ZBTB20: variants seen among roughly 807,000 people sequenced by gnomAD.
ZBTB20 encodes the protein zinc finger and BTB domain containing 20.
Under a neutral mutation model 56.9 loss-of-function variants are expected in ZBTB20, and 9 were observed. That is an observed-to-expected ratio of 0.16 (90% confidence interval 0.10 to 0.28). The LOEUF (loss-of-function observed/expected upper bound fraction) is 0.28. Ranked by LOEUF, ZBTB20 falls within the 10% of genes least tolerant of loss-of-function variation. The probability of loss-of-function intolerance (pLI) is 1.00; values close to 1 mark genes in which losing one functional copy is unlikely to be tolerated. For synonymous variants in ZBTB20, 417 were observed against 420.7 expected (o/e 0.99, Z 0.11); for missense variants, 655 against 1,003.0 (o/e 0.65, Z 4.69).
chr3:114,430,587 A>C (rs1477312174), intron 7 of ZBTB20, among the ~76,000 whole-genome samples: 1 of 152,236 alleles, frequency 6.6e-6, no homozygotes, highest in East Asian at 1.9e-4. Flanking sequence ...AGCATGAGCA[A>C]ACTAACATTT....
At chr3:114,612,932 T>C (rs2107701297) in intron 6 of ZBTB20, among the ~76,000 whole-genome samples, 1 of 152,292 alleles carries the variant, frequency 6.6e-6, no homozygotes, top group South Asian at 2.1e-4. Context: ...ATATGTGTAT[T>C]TTCTTAAAAT....
rs567130920 is a variant in ZBTB20 at position 114,869,807 on chromosome 3, C to T, written c.-417+30497G>A. ...CATATGCTTAATGTTACATAACCCA[C>T]TTGGAATTCCTTTCTTACAAACAAA... On this transcript the variant is annotated intron_variant, in intron 4 of 11. Coordinates refer to ENST00000675478, the MANE Select transcript of ZBTB20 (RefSeq NM_001348800.3). 1.0e-3 allele frequency among the ~76,000 whole-genome samples: 152 copies of T among 152,254 alleles called. 1 individual carries two copies. Among genetic ancestry groups the T allele is most frequent in the African/African-American group, 3.6e-3 (148 of 41,558 alleles).
chr3:114,589,596 T>C (rs2055537324), intron 6 of ZBTB20, among the ~76,000 whole-genome samples: 1 of 152,208 alleles, frequency 6.6e-6, no homozygotes, highest in Non-Finnish European at 1.5e-5. Flanking sequence ...GAAAGGGCCT[T>C]ATAAATAATT....
chr3:114,588,317 G>A (rs2055392335), intron 6 of ZBTB20, among the ~76,000 whole-genome samples: 1 of 152,194 alleles, frequency 6.6e-6, no homozygotes, highest in African/African-American at 2.4e-5. Context: ...TGCAAATCAA[G>A]CTGGTAAGCA....
intron 5 of ZBTB20, among the ~76,000 whole-genome samples, chr3:114,757,090 G>A (rs1309699739): frequency 6.6e-6 from 1 of 152,096 alleles, no homozygotes; most frequent in Non-Finnish European, 1.5e-5. Context: ...CATGTCTCTT[G>A]CAACTCATTT....
intron 6 of ZBTB20, among the ~76,000 whole-genome samples, chr3:114,541,107 T>C (rs887101097): frequency 6.6e-6 from 1 of 152,154 alleles, no homozygotes; most frequent in African/African-American, 2.4e-5. Context: ...GATTTACTTC[T>C]TGTCCAGGTT....
At chr3:114,778,289 C>CAA (rs71146336) in intron 5 of ZBTB20, among the ~76,000 whole-genome samples, 11,915 of 142,524 alleles carry the variant, frequency 0.084, 641 homozygotes, top group African/African-American at 0.12. Flanking sequence ...AATACACATT[C>CAA]AAAAAAAAAA....
At chr3:115,076,713 G>C (rs2082609196) in intron 1 of ZBTB20, among the ~76,000 whole-genome samples, 1 of 152,140 alleles carries the variant, frequency 6.6e-6, no homozygotes, top group African/African-American at 2.4e-5. Context: ...CATCTTGACT[G>C]CACAGCAAAC....
At position 114,438,416 on chromosome 3, in the gene ZBTB20, C is replaced by CAA. The variant is rs11405102; in HGVS notation, c.-254-49313_-254-49312dup. 4.9e-3 allele frequency among the ~76,000 whole-genome samples: 589 copies of CAA among 120,026 alleles called. 4 individuals are homozygous for CAA. Among genetic ancestry groups the CAA allele is most frequent in the African/African-American group, 0.01 (295 of 29,346 alleles). 78.7% of individuals were successfully genotyped at this position (120,026 alleles called of 152,430 possible). A position where few individuals can be genotyped will look rare whatever the true frequency, so the allele number is the denominator to read the frequency against. On this transcript the variant is annotated intron_variant, in intron 7 of 11. Coordinates refer to ENST00000675478, the MANE Select transcript of ZBTB20 (RefSeq NM_001348800.3). The stretch of plus-strand genomic sequence containing the variant: ...TTTCTCCCTAGTATTCACTCCTTGC[C>CAA]AAAAAAAAACAAAAAAAACCAAAAA...
intron 3 of ZBTB20, among the ~76,000 whole-genome samples, chr3:114,945,032 T>G (rs1471638958): frequency 6.9e-6 from 1 of 145,742 alleles, no homozygotes; most frequent in Non-Finnish European, 1.5e-5. Context: ...GCTAATTAGC[T>G]TGATTTATTA....
At chr3:114,690,246 G>A (rs995280502) in intron 6 of ZBTB20, among the ~76,000 whole-genome samples, 1 of 152,014 alleles carries the variant, frequency 6.6e-6, no homozygotes, top group East Asian at 1.9e-4. Context: ...TTCCCCAAGG[G>A]TTAGGCACAT....
intron 3 of ZBTB20, among the ~76,000 whole-genome samples, chr3:114,961,389 ATAAT>A (rs751788571): frequency 6.6e-6 from 1 of 152,150 alleles, no homozygotes; most frequent in Non-Finnish European, 1.5e-5. Context: ...AAGTCTAAAA[ATAAT>A]TATTCATCTT....
At chr3:114,881,093 C>A (rs1447662944) in intron 4 of ZBTB20, among the ~76,000 whole-genome samples, 1 of 152,032 alleles carries the variant, frequency 6.6e-6, no homozygotes, top group Non-Finnish European at 1.5e-5. Context: ...CACATTTCAC[C>A]TATATTTACT....
chr3:114,348,501 A>G (rs1455456335), intron 11 of ZBTB20, among the ~76,000 whole-genome samples: 1 of 152,248 alleles, frequency 6.6e-6, no homozygotes, highest in Non-Finnish European at 1.5e-5. Flanking sequence ...TATCCCAAGT[A>G]AACAAAGCAA....
At chr3:114,461,490 G>A (rs1393168172) in intron 7 of ZBTB20, among the ~76,000 whole-genome samples, 1 of 152,028 alleles carries the variant, frequency 6.6e-6, no homozygotes, top group Non-Finnish European at 1.5e-5. Context: ...AATTTTTGTA[G>A]TGATGAGGTT....
At chr3:114,817,256 C>T (rs1029906016) in intron 4 of ZBTB20, among the ~76,000 whole-genome samples, 3 of 151,388 alleles carry the variant, frequency 2.0e-5, no homozygotes, top group African/African-American at 4.9e-5. Flanking sequence ...TGGTGGCTTA[C>T]GCCTGTAATC....
chr3:115,038,047 T>C (rs1037210552), intron 2 of ZBTB20, among the ~76,000 whole-genome samples: 1 of 152,222 alleles, frequency 6.6e-6, no homozygotes, highest in African/African-American at 2.4e-5. Context: ...ACATGGGTGA[T>C]GCCACCTCCT....
intron 4 of ZBTB20, among the ~76,000 whole-genome samples, chr3:114,884,668 T>A (rs746414013): frequency 6.6e-6 from 1 of 152,154 alleles, no homozygotes; most frequent in East Asian, 1.9e-4. Flanking sequence ...ATGAGAAAAA[T>A]AGACATCCTG....
chr3:114,862,390 C>T (rs988652699), intron 4 of ZBTB20, among the ~76,000 whole-genome samples: 19 of 144,714 alleles, frequency 1.3e-4, no homozygotes, highest in African/African-American at 3.9e-4. Context: ...TAAGAACATA[C>T]CTAAAATGGC....
Sources: allele counts gnomAD v4.1 joint callset (sites outside exome capture counted in the v4.1 genomes callset), GRCh38; gene constraint gnomAD v4.1.1; transcripts MANE v1.5; gene names NCBI Gene and HGNC (gene_info 2026-07-23, HGNC 2026-07-21).